PDE8A: variants seen among roughly 807,000 people sequenced by gnomAD.
PDE8A encodes the protein high affinity cAMP-specific and IBMX-insensitive 3',5'-cyclic phosphodiesterase 8A.
In PDE8A, 59 loss-of-function variants were observed where a neutral mutation model predicts 105.0. The ratio of observed to expected loss-of-function variants is 0.56; its 90% CI spans 0.46 to 0.70. The LOEUF (loss-of-function observed/expected upper bound fraction) is 0.70. Ranked by LOEUF, PDE8A falls within the 30% of genes least tolerant of loss-of-function variation. PDE8A has a pLI of 0.00. For synonymous variants in PDE8A, 355 were observed against 371.9 expected (o/e 0.95, Z 0.52); for missense variants, 1,014 against 1,045.9 (o/e 0.97, Z 0.42).
intron 1 of PDE8A, among the ~76,000 whole-genome samples, chr15:85,045,424 C>A (rs924525323): frequency 1.3e-5 from 2 of 152,176 alleles, no homozygotes; most frequent in Non-Finnish European, 2.9e-5. Context: ...TAAATTCAGA[C>A]AGAACTGGGT....
At chr15:85,052,490 T>A (rs1194532520) in intron 1 of PDE8A, among the ~76,000 whole-genome samples, 1 of 152,184 alleles carries the variant, frequency 6.6e-6, no homozygotes, top group Non-Finnish European at 1.5e-5. Context: ...GCCTGTTGTT[T>A]CCTGACTTTT....
chr15:85,123,748 A>T (rs2082218425), intron 19 of PDE8A, among the ~76,000 whole-genome samples: 1 of 152,140 alleles, frequency 6.6e-6, no homozygotes, highest in Non-Finnish European at 1.5e-5. Context: ...TCAAGTTGAC[A>T]CTCAGTATTA....
intron 6 of PDE8A, among the ~76,000 whole-genome samples, chr15:85,086,114 T>C (rs2081548835): frequency 6.6e-6 from 1 of 152,122 alleles, no homozygotes; most frequent in Non-Finnish European, 1.5e-5. Flanking sequence ...GTTGTGATAG[T>C]TGGTTGACTA....
intron 5 of PDE8A, among the ~76,000 whole-genome samples, chr15:85,080,089 AAAAG>A (rs1444039676): frequency 1.3e-5 from 2 of 152,204 alleles, no homozygotes; most frequent in African/African-American, 4.8e-5. Context: ...AATGCAGACA[AAAAG>A]AACACAGATA....
At chr15:85,119,231 T>TCA (rs2082141875) in intron 17 of PDE8A, among the ~76,000 whole-genome samples, 3 of 152,016 alleles carry the variant, frequency 2.0e-5, no homozygotes, top group East Asian at 3.9e-4. Context: ...GTAATCCCAG[T>TCA]ACTTTGGGAT....
chr15:85,090,952 A>C, intron 7 of PDE8A, 92 bp from the exon 8 acceptor site: 1 of 1,169,616 alleles, frequency 8.5e-7, no homozygotes, highest in Non-Finnish European at 1.2e-6. Flanking sequence ...CTGGGGAAAA[A>C]CCTGAAGGGC....
intron 14 of PDE8A, 136 bp from the exon 15 acceptor site, chr15:85,115,303 C>G: frequency 1.6e-6 from 1 of 609,984 alleles, no homozygotes; most frequent in Non-Finnish European, 2.9e-6. Context: ...GGTGGACCTG[C>G]TGGGCCCAGG....
chr15:85,137,918 C>G lies in PDE8A; in HGVS notation c.*15C>G. The G allele has an allele frequency of 6.7e-7, 1 of 1,483,416 alleles. No homozygotes were observed. Among genetic ancestry groups the G allele is most frequent in the Non-Finnish European group, 9.4e-7 (1 of 1,060,996 alleles). The allele number at this position is 1,483,416 out of a possible 1,614,324, so 91.9% of individuals were successfully genotyped here. ...CTCCTGAATAGTGGGAGACACCACC[C>G]AGAGCCCTGAAGCTTTGTTCCTTCG... is the stretch of plus-strand genomic sequence containing the variant. On this transcript the variant is annotated 3_prime_UTR_variant, in exon 22 of 22. Transcript: ENST00000394553.
rs146711192 is a variant in PDE8A at position 85,089,082 on chromosome 15, C to T, written c.636-256C>T. ...AGCTGCTGAAGAGCTGTGATTTGAC[C>T]GTGGTATGTGGCCACCCTGGCTCAC... On this transcript the variant is annotated intron_variant, in intron 6 of 21. Coordinates refer to ENST00000394553, the MANE Select transcript of PDE8A (RefSeq NM_002605.3). Among the ~76,000 whole-genome samples the T allele has an allele frequency of 4.9e-4, 75 of 152,122 alleles. 1 individual carries two copies. In the East Asian group the frequency reaches 0.011, roughly 22 times the overall value.
chr15:84,990,989 T>G lies in PDE8A; in HGVS notation c.186+8641T>G, dbSNP rs1040315624. The stretch of plus-strand genomic sequence containing the variant: ...TGTATTTCCTTGATGGCTGATGATT[T>G]TGAGTACTTTTTCCGTGTGCTTGTT... On this transcript the variant is annotated intron_variant, in intron 1 of 21. Coordinates refer to ENST00000394553, the MANE Select transcript of PDE8A (RefSeq NM_002605.3). Among the ~76,000 whole-genome samples, 3 of 152,340 alleles carry G rather than the reference T, an allele frequency of 2.0e-5. No homozygotes were observed. The East Asian group carries it at 5.8e-4, about 29-fold the overall frequency.
chr15:85,095,191 G>A (rs2081723208), intron 8 of PDE8A, among the ~76,000 whole-genome samples: 1 of 152,060 alleles, frequency 6.6e-6, no homozygotes, highest in Non-Finnish European at 1.5e-5. Context: ...GGAGAAAGAG[G>A]CCTATGCAAA....
Position 85,076,734 on chromosome 15 carries a change from G to C in PDE8A, c.493G>C (p.Val165Leu). ...NTVIVGVVRR[V>L]DREELSVMPF... ...GTTCTTTACTGTGTTATTTTGAAGG[G>C]TGGATAGAGAAGAGTTGTCCGTAAT... The change falls in exon 5 of 22, where the codon GTG becomes CTG. Residue 165 changes from valine to leucine, a missense_variant and splice_region_variant. By Grantham distance (32) the Val-to-Leu change is conservative. Transcript: ENST00000394553. 6.3e-7 allele frequency: 1 copy of C among 1,586,858 alleles called. No individual in the cohort carries two copies. Among genetic ancestry groups the C allele is most frequent in the African/African-American group, 1.3e-5 (1 of 74,466 alleles).
chr15:85,002,573 C>T (rs865808415), intron 1 of PDE8A, among the ~76,000 whole-genome samples: 1 of 152,208 alleles, frequency 6.6e-6, no homozygotes, highest in Non-Finnish European at 1.5e-5. Flanking sequence ...AATCATCGGC[C>T]ATTGGTTATC....
At chr15:85,045,144 A>G (rs1328708840) in intron 1 of PDE8A, among the ~76,000 whole-genome samples, 2 of 152,082 alleles carry the variant, frequency 1.3e-5, no homozygotes, top group Admixed American at 6.5e-5. Context: ...CACCTCCTGC[A>G]TTGCTGCCTC....
At chr15:85,010,328 A>G (rs566545179) in intron 1 of PDE8A, among the ~76,000 whole-genome samples, 1 of 152,368 alleles carries the variant, frequency 6.6e-6, no homozygotes, top group East Asian at 1.9e-4. Flanking sequence ...ACATGTTCAT[A>G]TGCACCTGTC....
chr15:85,114,341 G>A (rs1206572317), intron 14 of PDE8A, among the ~76,000 whole-genome samples: 1 of 152,182 alleles, frequency 6.6e-6, no homozygotes, highest in African/African-American at 2.4e-5. Context: ...AATAAAGCTT[G>A]TTTAGTTGTA....
At chr15:85,099,416 A>G (rs2081818758) in intron 9 of PDE8A, among the ~76,000 whole-genome samples, 1 of 152,220 alleles carries the variant, frequency 6.6e-6, no homozygotes, top group East Asian at 1.9e-4. Context: ...CTCTGTTCTG[A>G]TTCTTTGCCC....
chr15:85,028,857 C>G (rs972877911), intron 1 of PDE8A, among the ~76,000 whole-genome samples: 1 of 152,056 alleles, frequency 6.6e-6, no homozygotes, highest in Non-Finnish European at 1.5e-5. Flanking sequence ...GCATTAAGCA[C>G]TGTGTCTAAC....
At chr15:85,014,271 C>T (rs918402975) in intron 1 of PDE8A, among the ~76,000 whole-genome samples, 4 of 152,176 alleles carry the variant, frequency 2.6e-5, no homozygotes, top group East Asian at 3.9e-4. Context: ...TTCAGCCTCC[C>T]GAGGAGTTGG....
Sources: allele counts gnomAD v4.1 joint callset (sites outside exome capture counted in the v4.1 genomes callset), GRCh38; gene constraint gnomAD v4.1.1; transcripts MANE v1.5; gene names NCBI Gene and HGNC (gene_info 2026-07-23, HGNC 2026-07-21).